Variants in RAD54B observed in about 807,000 individuals in gnomAD.
RAD54B encodes the protein RAD54 homolog B, also known as DNA repair and recombination protein RAD54B.
RAD54B carries 78 observed loss-of-function variants against 95.8 expected under a neutral mutation model. That is an observed-to-expected ratio of 0.81 (90% CI 0.68 to 0.98). The LOEUF (loss-of-function observed/expected upper bound fraction) is 0.98. Ranked by LOEUF, RAD54B falls within the 50% of genes least tolerant of loss-of-function variation. The probability of loss-of-function intolerance (pLI) is 0.00; values close to 1 mark genes in which losing one functional copy is unlikely to be tolerated. For missense variants in RAD54B, 957 were observed against 1,056.6 expected, an observed-to-expected ratio of 0.91 and a Z score of 1.31; for synonymous variants, 328 against 354.9, an observed-to-expected ratio of 0.92 and a Z score of 0.85.
chr8:94,377,577 A>C (rs899039960), intron 14 of RAD54B, among the ~76,000 whole-genome samples: 12 of 137,502 alleles, frequency 8.7e-5, no homozygotes, highest in South Asian at 2.4e-4. Context: ...AAAAAAAAAA[A>C]AAAACTCTAA....
intron 3 of RAD54B, chr8:94,428,602 C>G (rs1411975168): frequency 2.0e-6 from 1 of 499,214 alleles, no homozygotes; most frequent in African/African-American, 2.1e-5. Context: ...ACTCCTACCT[C>G]AGTTATACCG....
intron 1 of RAD54B, among the ~76,000 whole-genome samples, chr8:94,471,848 CTT>C (rs1813179817): frequency 1.3e-5 from 2 of 151,418 alleles, no homozygotes; most frequent in South Asian, 4.2e-4. Context: ...AAGATATACT[CTT>C]GATTGTTAGT....
chr8:94,397,481 C>G (rs1586135167), intron 8 of RAD54B, among the ~76,000 whole-genome samples: 1 of 152,032 alleles, frequency 6.6e-6, no homozygotes, highest in Admixed American at 6.6e-5. Context: ...GAGGACAATA[C>G]TAATGCCTCA....
intron 14 of RAD54B, among the ~76,000 whole-genome samples, chr8:94,377,724 C>A (rs1353316514): frequency 2.0e-5 from 3 of 151,582 alleles, no homozygotes; most frequent in Non-Finnish European, 2.9e-5. Context: ...CGCCTGTAAT[C>A]CCAGCACTTT....
intron 5 of RAD54B, among the ~76,000 whole-genome samples, chr8:94,406,027 C>CACACACACATAT (rs11281421): frequency 2.5e-4 from 37 of 150,536 alleles, no homozygotes; most frequent in African/African-American, 5.3e-4. Context: ...CACACACACA[C>CACACACACATAT]ATATATATAA....
chr8:94,465,811 T>C (rs6980518), intron 2 of RAD54B, among the ~76,000 whole-genome samples: 1,744 of 152,328 alleles, frequency 0.011, 25 homozygotes, highest in African/African-American at 0.04. Context: ...TAAAACCATA[T>C]AATGATTATT....
At position 94,389,949 on chromosome 8, in the gene RAD54B, C is replaced by G. The variant is rs961793065; in HGVS notation, c.1809+1660G>C. The stretch of plus-strand genomic sequence containing the variant: ...AATTAACTGGTATACTCTGGGCCAT[C>G]ATAAGGTCTTCCTTTTAATGAAGAA... On this transcript the variant is annotated intron_variant, in intron 10 of 14. Transcript: ENST00000336148. Among the ~76,000 whole-genome samples, 3 of 152,310 alleles carry G rather than the reference C, an allele frequency of 2.0e-5. No individual in the cohort carries two copies. The South Asian group carries it at 6.2e-4, about 32-fold the overall frequency.
intron 3 of RAD54B, among the ~76,000 whole-genome samples, chr8:94,413,159 A>C (rs1811570740): frequency 6.6e-6 from 1 of 152,206 alleles, no homozygotes; most frequent in Non-Finnish European, 1.5e-5. Context: ...CAATATATTT[A>C]ACACAATACC....
chr8:94,426,634 G>A (rs1811948234), intron 3 of RAD54B, among the ~76,000 whole-genome samples: 1 of 152,160 alleles, frequency 6.6e-6, no homozygotes, highest in Non-Finnish European at 1.5e-5. Context: ...ATTACATGAA[G>A]TTCTAGAATA....
intron 1 of RAD54B, among the ~76,000 whole-genome samples, chr8:94,468,301 C>G (rs563209616): frequency 2.6e-5 from 4 of 152,256 alleles, no homozygotes; most frequent in African/African-American, 9.6e-5. Context: ...GCTTGGCACC[C>G]TGCAATAAAC....
At chr8:94,408,616 C>T (rs1586144457) in intron 4 of RAD54B, among the ~76,000 whole-genome samples, 1 of 151,978 alleles carries the variant, frequency 6.6e-6, no homozygotes, top group Admixed American at 6.6e-5. Flanking sequence ...TAATCTGTGC[C>T]AATCTGTATT....
In RAD54B at chr8:94,391,612, T is replaced by C. The variant is rs1811022270; in HGVS notation, c.1806A>G (p.Ile602Met). 6.2e-7 allele frequency: 1 copy of C among 1,613,160 alleles called. No homozygotes were observed. Among genetic ancestry groups the C allele is most frequent in the Admixed American group, 1.7e-5 (1 of 59,872 alleles). The change falls in exon 10 of 15, where the codon ATA becomes ATG. Residue 602 changes from isoleucine (I) to methionine (M), a missense_variant. Physicochemically the swap from Ile to Met is conservative, Grantham distance 10. Transcript: ENST00000336148. ...CNHPCLLFNS[I>M]KEKECSSTCD... ...GTTTCAGATACTATGCACTTACCTT[T>C]ATAGAGTTGAACAAAAGGCAGGGGT...
At chr8:94,457,231 G>A (rs564103656) in intron 3 of RAD54B, among the ~76,000 whole-genome samples, 1 of 152,278 alleles carries the variant, frequency 6.6e-6, no homozygotes, top group African/African-American at 2.4e-5. Context: ...AAGCAAGGAA[G>A]GAGGAAGTGG....
intron 5 of RAD54B, among the ~76,000 whole-genome samples, chr8:94,405,718 A>C (rs1811370569): frequency 1.3e-5 from 2 of 152,166 alleles, no homozygotes; most frequent in Non-Finnish European, 2.9e-5. Context: ...ACAAGGAAAA[A>C]GAGAAGATAG....
At chr8:94,424,880 G>A (rs926592683) in intron 3 of RAD54B, among the ~76,000 whole-genome samples, 2 of 151,764 alleles carry the variant, frequency 1.3e-5, no homozygotes, top group African/African-American at 2.4e-5. Context: ...TGGACAATAC[G>A]GCAAAACTCT....
intron 14 of RAD54B, among the ~76,000 whole-genome samples, chr8:94,372,808 C>A (rs955833485): frequency 1.3e-5 from 2 of 152,020 alleles, no homozygotes; most frequent in Non-Finnish European, 2.9e-5. Flanking sequence ...CATAAATAGT[C>A]TTACAAAATG....
At position 94,399,600 on chromosome 8, in the gene RAD54B, T is replaced by G; in HGVS notation, c.1192A>C (p.Ile398Leu). ...VDQDHKVEEF[I>L]KSIFYSVLII... ...AGAACAGAATAAAATATAGACTTGA[T>G]GAATTCTTCAACTTTGTGGTCCTGA... Residue 398 changes from isoleucine to leucine, a missense_variant, in exon 8 of 15, where the codon ATC becomes CTC. Transcript: ENST00000336148. The G allele has an allele frequency of 6.2e-7, 1 of 1,609,830 alleles. No homozygotes were observed. Among genetic ancestry groups the G allele is most frequent in the Admixed American group, 1.7e-5 (1 of 59,600 alleles).
chr8:94,457,505 C>T (rs1218918777), intron 3 of RAD54B, among the ~76,000 whole-genome samples: 1 of 152,186 alleles, frequency 6.6e-6, no homozygotes, highest in African/African-American at 2.4e-5. Flanking sequence ...ATTCATTAAT[C>T]ATCAGGAAGT....
intron 3 of RAD54B, among the ~76,000 whole-genome samples, chr8:94,433,572 A>G (rs895190652): frequency 2.0e-5 from 3 of 152,090 alleles, no homozygotes; most frequent in Admixed American, 6.6e-5. Flanking sequence ...CTACAGCTTT[A>G]GCATAATTTA....
Sources: gnomAD v4.1 joint callset for allele counts (sites outside exome capture counted in the v4.1 genomes callset) on GRCh38, gnomAD v4.1.1 for gene constraint, MANE v1.5 for transcripts, NCBI Gene and HGNC (gene_info 2026-07-23, HGNC 2026-07-21) for gene names.